The following CAB39L variants were observed in gnomAD, a reference collection of about 807,000 sequenced individuals.
CAB39L encodes calcium binding protein 39 like, also known as calcium-binding protein 39-like.
A neutral mutation model predicts 39.1 loss-of-function variants in CAB39L; 23 were observed. That is an observed-to-expected ratio of 0.59 (90% CI 0.42 to 0.83). The LOEUF (loss-of-function observed/expected upper bound fraction) is 0.83. CAB39L is among the 40% of genes least tolerant of loss of function. The probability of loss-of-function intolerance (pLI) is 0.00; values close to 1 mark genes in which losing one functional copy is unlikely to be tolerated. For synonymous variants in CAB39L, 126 were observed against 137.2 expected (o/e 0.92, Z 0.57); for missense variants, 366 against 391.9 (o/e 0.93, Z 0.56).
intron 10 of CAB39L, among the ~76,000 whole-genome samples, chr13:49,313,199 G>A (rs528721902): frequency 7.9e-5 from 12 of 152,130 alleles, no homozygotes; most frequent in African/African-American, 2.4e-4. Flanking sequence ...TACAACTGCT[G>A]GGCCAGGCGC....
At chr13:49,416,152 C>A (rs994065535) in intron 3 of CAB39L, among the ~76,000 whole-genome samples, 1 of 152,214 alleles carries the variant, frequency 6.6e-6, no homozygotes. Flanking sequence ...AACTGTCTCA[C>A]TGTTCATGGA....
chr13:49,313,274 G>A (rs1241491694), intron 10 of CAB39L, among the ~76,000 whole-genome samples: 3 of 152,102 alleles, frequency 2.0e-5, no homozygotes, highest in South Asian at 2.1e-4. Context: ...GAAGTCAGGA[G>A]ATCGAGACCA....
At chr13:49,434,472 T>C (rs1052299683) in intron 1 of CAB39L, among the ~76,000 whole-genome samples, 15 of 152,218 alleles carry the variant, frequency 9.9e-5, no homozygotes, top group Admixed American at 7.2e-4. Flanking sequence ...TGTAATTTTA[T>C]GCTTCATTTT....
At chr13:49,441,224 T>TATATATATATATATATATATATATA (rs1566144899) in intron 1 of CAB39L, among the ~76,000 whole-genome samples, 1 of 105,298 alleles carries the variant, frequency 9.5e-6, no homozygotes, top group African/African-American at 5.3e-5. Context: ...ATTTAGTGTA[T>TATATATATATATATATATATATATA]ATATATATAT....
Position 49,422,758 on chromosome 13 carries a change from T to C in CAB39L, c.-32+10560A>G, listed in dbSNP as rs376061560. Among the ~76,000 whole-genome samples the C allele has an allele frequency of 5.3e-5, 8 of 152,222 alleles. No individual in the cohort carries two copies. In the South Asian group the frequency reaches 1.7e-3, roughly 32 times the overall value. On this transcript the variant is annotated intron_variant, in intron 3 of 10. Coordinates refer to ENST00000409308, the MANE Select transcript of CAB39L (RefSeq NM_001079670.3). Reference sequence around the variant, plus strand: ...CGGCTTCCCTTACTTTTTTATTTCTTAAACTTACCGTTGATTAGAAGCAAC... The same window carrying C: ...CGGCTTCCCTTACTTTTTTATTTCTCAAACTTACCGTTGATTAGAAGCAAC...
At chr13:49,438,271 C>T (rs9535244) in intron 1 of CAB39L, among the ~76,000 whole-genome samples, 79,215 of 152,158 alleles carry the variant, frequency 0.52, 21,759 homozygotes, top group Non-Finnish European at 0.61. Context: ...ATTCACCCTC[C>T]TCTTTTCCTC....
chr13:49,442,787 C>CAAAAAAA (rs71078844), intron 1 of CAB39L, among the ~76,000 whole-genome samples: 83 of 103,630 alleles, frequency 8.0e-4, no homozygotes, highest in African/African-American at 1.0e-3. Flanking sequence ...GACTCCATCT[C>CAAAAAAA]AAAAAAAAAA....
chr13:49,421,050 G>T (rs971289696), intron 3 of CAB39L, among the ~76,000 whole-genome samples: 1 of 152,120 alleles, frequency 6.6e-6, no homozygotes, highest in Non-Finnish European at 1.5e-5. Context: ...GTGGAGAGAC[G>T]ACAAACTGGC....
chr13:49,412,552 A>G (rs1957010155), intron 3 of CAB39L, among the ~76,000 whole-genome samples: 1 of 152,194 alleles, frequency 6.6e-6, no homozygotes, highest in African/African-American at 2.4e-5. Context: ...TTAACTGCAC[A>G]TTATGGCCTT....
chr13:49,338,182 C>T (rs534233917), intron 9 of CAB39L, among the ~76,000 whole-genome samples: 1 of 151,984 alleles, frequency 6.6e-6, no homozygotes, highest in Non-Finnish European at 1.5e-5. Context: ...AATCATGCTG[C>T]TATAAAGACA....
Position 49,308,753 on chromosome 13 carries a change from C to A in CAB39L, c.*2061G>T, listed in dbSNP as rs1953902268. ...CAATTCTCACAGTATTTACAGTGAA[C>A]TTTGTGCAAACAAATCCCCCTTTGT... On this transcript the variant is annotated 3_prime_UTR_variant, in exon 11 of 11. Coordinates refer to ENST00000409308, the MANE Select transcript of CAB39L (RefSeq NM_001079670.3). 1 of 152,562 alleles carries A rather than the reference C, an allele frequency of 6.6e-6. No homozygotes were observed. The highest frequency in any genetic ancestry group is 2.1e-4 in the South Asian group (1 of 4,828). The allele number at this position is 152,562 out of a possible 1,614,324, so 9.5% of individuals were successfully genotyped here.
At chr13:49,313,937 A>T (rs1451992754) in intron 10 of CAB39L, among the ~76,000 whole-genome samples, 2 of 152,124 alleles carry the variant, frequency 1.3e-5, no homozygotes, top group Non-Finnish European at 1.5e-5. Flanking sequence ...CTACCCTAGG[A>T]TGTTGAGTAC....
At chr13:49,388,256 G>A (rs796303705) in intron 3 of CAB39L, among the ~76,000 whole-genome samples, 144 of 152,210 alleles carry the variant, frequency 9.5e-4, no homozygotes, top group African/African-American at 3.4e-3. Context: ...ATTAAAACTG[G>A]AACAGAATCA....
intron 10 of CAB39L, among the ~76,000 whole-genome samples, chr13:49,313,274 G>T (rs1241491694): frequency 1.3e-5 from 2 of 152,102 alleles, no homozygotes; most frequent in Non-Finnish European, 2.9e-5. Flanking sequence ...GAAGTCAGGA[G>T]ATCGAGACCA....
chr13:49,430,273 A>G (rs1957301319), intron 3 of CAB39L, among the ~76,000 whole-genome samples: 1 of 152,224 alleles, frequency 6.6e-6, no homozygotes, highest in South Asian at 2.1e-4. Context: ...AGATAACCCA[A>G]ATAATGTGGA....
rs1331441292 is a variant in CAB39L at position 49,309,718 on chromosome 13, CTA to C, written c.*1094_*1095del. On this transcript the variant is annotated 3_prime_UTR_variant, in exon 11 of 11. Transcript: ENST00000409308. ...TCAGGACCAAAACTGTATAGGCTTT[CTA>C]TGTGTTCACTAAAGACTGTGATGGG... 1 of 152,098 alleles carries C rather than the reference CTA, an allele frequency of 6.6e-6. No homozygotes were observed. Among genetic ancestry groups the C allele is most frequent in the African/African-American group, 2.4e-5 (1 of 41,408 alleles). 9.4% of individuals were successfully genotyped at this position (152,098 alleles called of 1,614,324 possible).
In CAB39L at chr13:49,359,841, GAAAC is replaced by G; in HGVS notation, c.277-13_277-10del. On this transcript the variant is annotated splice_polypyrimidine_tract_variant and intron_variant, in intron 5 of 10. Coordinates refer to ENST00000409308, the MANE Select transcript of CAB39L (RefSeq NM_001079670.3). Reference sequence around the variant, plus strand: ...GTCACATCTTTTTTTCCCTGTTAAAGAAACAAACAGAAATTAAATTGTACACTCT... The same window carrying G: ...GTCACATCTTTTTTTCCCTGTTAAAGAAACAGAAATTAAATTGTACACTCT... 1 of 1,458,470 alleles carries G rather than the reference GAAAC, an allele frequency of 6.9e-7. No homozygotes were observed. The highest frequency in any genetic ancestry group is 9.6e-7 in the Non-Finnish European group (1 of 1,040,016). The allele number at this position is 1,458,470 out of a possible 1,614,324, so 90.3% of individuals were successfully genotyped here. A position where few individuals can be genotyped will look rare whatever the true frequency, so the allele number is the denominator to read the frequency against.
chr13:49,442,787 CA>C (rs71078844), intron 1 of CAB39L, among the ~76,000 whole-genome samples: 2,026 of 103,204 alleles, frequency 0.02, 25 homozygotes, highest in African/African-American at 0.057. Flanking sequence ...GACTCCATCT[CA>C]AAAAAAAAAA....
intron 10 of CAB39L, 58 bp downstream of exon 10, chr13:49,331,889 A>G (rs1954708877): frequency 5.1e-6 from 8 of 1,556,304 alleles, no homozygotes; most frequent in Middle Eastern, 1.7e-4. Context: ...GGAGTTTGCC[A>G]TTTGGAACTG....
Sources: allele counts gnomAD v4.1 joint callset (sites outside exome capture counted in the v4.1 genomes callset), GRCh38; gene constraint gnomAD v4.1.1; transcripts MANE v1.5; gene names NCBI Gene and HGNC (gene_info 2026-07-23, HGNC 2026-07-21).